Variants in MOXD1 observed in about 807,000 individuals in gnomAD.
MOXD1 encodes DBH-like monooxygenase protein 1.
In MOXD1, 62 loss-of-function variants were observed where a neutral mutation model predicts 66.6. That is an observed-to-expected ratio of 0.93 (90% CI 0.76 to 1.15). The LOEUF (loss-of-function observed/expected upper bound fraction) is 1.15. Among genes scored for constraint, MOXD1 ranks in the 50% most tolerant of loss-of-function variants. MOXD1 has a pLI of 0.00. For synonymous variants in MOXD1, 303 were observed against 281.9 expected (o/e 1.07, Z -0.75); for missense variants, 847 against 754.6 (o/e 1.12, Z -1.44).
chr6:132,297,835 G>A lies in MOXD1; in HGVS notation c.1629C>T (p.Ser543=). 6.2e-7 allele frequency: 1 copy of A among 1,612,910 alleles called. No homozygotes were observed. The highest frequency in any genetic ancestry group is 1.1e-5 in the South Asian group (1 of 90,958). Residue 543 remains serine, a synonymous_variant, in exon 11 of 12, where the codon AGC becomes AGT. Coordinates refer to ENST00000367963, the MANE Select transcript of MOXD1 (RefSeq NM_015529.4). ...TGGAACATCTCACATTCACTGGCAG[G>A]CTGAGGACCAGCTTGTTGAAGGAGA... ...EGLSFNKLVL[S]LPVNVRCSKT... is the part of the protein sequence containing the mutation.
chr6:132,379,286 GA>G (rs1046896309), intron 1 of MOXD1, among the ~76,000 whole-genome samples: 3 of 151,688 alleles, frequency 2.0e-5, no homozygotes, highest in Admixed American at 2.0e-4. Context: ...AATAAATGAA[GA>G]AAAAAACAGT....
At chr6:132,320,786 G>T (rs1043152929) in intron 8 of MOXD1, 98 bp from the exon 9 acceptor site, 2 of 974,830 alleles carry the variant, frequency 2.1e-6, no homozygotes, top group Non-Finnish European at 3.1e-6. Flanking sequence ...CTGTATGAAT[G>T]GATGCGCCAA....
At chr6:132,297,606 TGAAAG>T (rs1774438208) in intron 11 of MOXD1, among the ~76,000 whole-genome samples, 176 bp downstream of exon 11, 1 of 152,158 alleles carries the variant, frequency 6.6e-6, no homozygotes, top group Non-Finnish European at 1.5e-5. Context: ...ATTTTTCTCT[TGAAAG>T]GGGGTAGAAT....
Position 132,323,931 on chromosome 6 carries a change from C to T in MOXD1, c.1113G>A (p.Glu371=). The change falls in exon 7 of 12, where the codon GAG becomes GAA. Residue 371 remains glutamate, a splice_region_variant and synonymous_variant. Coordinates refer to ENST00000367963, the MANE Select transcript of MOXD1 (RefSeq NM_015529.4). ...EGHCTLECLE[E]ALEAEKPSGI... ...CAGCTCAGACTCAGATGCTGCATAC[C>T]TCTTCCAGGCACTCCAAAGTGCAGT... is the stretch of plus-strand genomic sequence containing the variant. The T allele has an allele frequency of 6.2e-7, 1 of 1,600,572 alleles. No individual in the cohort carries two copies. The highest frequency in any genetic ancestry group is 8.5e-7 in the Non-Finnish European group (1 of 1,175,512).
intron 8 of MOXD1, 62 bp from the exon 9 acceptor site, chr6:132,320,750 A>T: frequency 7.5e-7 from 1 of 1,336,724 alleles, no homozygotes; most frequent in African/African-American, 1.5e-5. Context: ...TATCAAATAC[A>T]TTTGTACGTC....
chr6:132,392,880 A>G (rs1405944699), intron 1 of MOXD1, among the ~76,000 whole-genome samples: 1 of 152,192 alleles, frequency 6.6e-6, no homozygotes, highest in Admixed American at 6.5e-5. Flanking sequence ...GGGCAGCGCA[A>G]ATTTCCATAT....
chr6:132,318,634 T>C (rs536562577), intron 9 of MOXD1, among the ~76,000 whole-genome samples: 17 of 152,202 alleles, frequency 1.1e-4, no homozygotes, highest in African/African-American at 4.1e-4. Flanking sequence ...AGTTTCTTCA[T>C]AGTGTTTTAT....
intron 4 of MOXD1, among the ~76,000 whole-genome samples, chr6:132,342,669 G>T (rs1775588553): frequency 6.6e-6 from 1 of 152,144 alleles, no homozygotes; most frequent in South Asian, 2.1e-4. Flanking sequence ...TACATGAATT[G>T]TTTTTTAGTT....
At chr6:132,298,387 G>A (rs1484921185) in intron 10 of MOXD1, among the ~76,000 whole-genome samples, 1 of 152,022 alleles carries the variant, frequency 6.6e-6, no homozygotes, top group Non-Finnish European at 1.5e-5. Context: ...CATTAATTTG[G>A]TTTGGTTCTA....
At chr6:132,352,532 A>T (rs1045736460) in intron 4 of MOXD1, among the ~76,000 whole-genome samples, 2 of 152,134 alleles carry the variant, frequency 1.3e-5, no homozygotes, top group African/African-American at 4.8e-5. Context: ...AAATTTATTG[A>T]GGCTTGTTTT....
chr6:132,390,482 T>TACTTAGTAC (rs1356303573), intron 1 of MOXD1: 1 of 151,522 alleles, frequency 6.6e-6, no homozygotes, highest in Non-Finnish European at 1.5e-5. Flanking sequence ...CTTTCTGATG[T>TACTTAGTAC]TTCTCTTGCT....
At chr6:132,314,814 T>C (rs1774906143) in intron 10 of MOXD1, among the ~76,000 whole-genome samples, 1 of 152,180 alleles carries the variant, frequency 6.6e-6, no homozygotes, top group Admixed American at 6.5e-5. Context: ...TTTTTGTTTA[T>C]TACCTCTCCC....
chr6:132,302,636 T>G (rs1774567699), intron 10 of MOXD1, among the ~76,000 whole-genome samples: 1 of 152,164 alleles, frequency 6.6e-6, no homozygotes, highest in African/African-American at 2.4e-5. Context: ...TTCTCTCAAA[T>G]TGTCTAGAAA....
intron 8 of MOXD1, 28 bp downstream of exon 8, chr6:132,322,651 C>A: frequency 6.3e-7 from 1 of 1,588,544 alleles, no homozygotes; most frequent in South Asian, 1.1e-5. Context: ...TCATAACAGT[C>A]AATGAAAAAG....
intron 4 of MOXD1, among the ~76,000 whole-genome samples, chr6:132,347,232 G>T (rs375150223): frequency 3.9e-5 from 6 of 152,234 alleles, no homozygotes; most frequent in Admixed American, 3.3e-4. Context: ...TGGTCCAACT[G>T]GTTCAAGTTT....
chr6:132,374,821 G>A, intron 1 of MOXD1, 44 bp from the exon 2 acceptor site: 1 of 1,548,742 alleles, frequency 6.5e-7, no homozygotes. Context: ...CCTAAATACA[G>A]AGAGAAAAGA....
rs1181559883 is a variant in MOXD1, at chr6:132,394,172, T to A, written c.264+6991A>T. ...ACAACCTCCACTAATAATCACACCC[T>A]AAACCACTGAGGAAATCACAGACAC... On this transcript the variant is annotated intron_variant, in intron 1 of 11. Coordinates refer to ENST00000367963, the MANE Select transcript of MOXD1 (RefSeq NM_015529.4). Among the ~76,000 whole-genome samples, 5 of 152,118 alleles carry A rather than the reference T, an allele frequency of 3.3e-5. No homozygotes were observed. The East Asian group carries it at 9.7e-4, about 29-fold the overall frequency.
At chr6:132,324,206 G>T in intron 6 of MOXD1, 109 bp from the exon 7 acceptor site, 2 of 1,119,592 alleles carry the variant, frequency 1.8e-6, no homozygotes, top group African/African-American at 1.6e-5. Context: ...TGTTGAAATA[G>T]GTTTATTTAT....
At chr6:132,377,045 A>G (rs1460921644) in intron 1 of MOXD1, among the ~76,000 whole-genome samples, 1 of 152,140 alleles carries the variant, frequency 6.6e-6, no homozygotes, top group Non-Finnish European at 1.5e-5. Flanking sequence ...TCACTCTTCT[A>G]CAGTGTAGTG....
Sources: allele counts gnomAD v4.1 joint callset (sites outside exome capture counted in the v4.1 genomes callset), GRCh38; gene constraint gnomAD v4.1.1; transcripts MANE v1.5; gene names NCBI Gene and HGNC (gene_info 2026-07-23, HGNC 2026-07-21).